Variants in CFAP54 observed in about 807,000 individuals in gnomAD.
CFAP54 encodes cilia- and flagella-associated protein 54.
In CFAP54, 290 loss-of-function variants were observed where a neutral mutation model predicts 370.4. The observed-to-expected ratio is 0.78, with a 90% CI of 0.71 to 0.86. CFAP54 has a LOEUF of 0.86. CFAP54 is among the 40% of genes least tolerant of loss of function. CFAP54 has a pLI of 0.00. For missense variants in CFAP54, 3,399 were observed against 3,528.7 expected, an observed-to-expected ratio of 0.96 and a Z score of 0.93; for synonymous variants, 1,206 against 1,236.5, an observed-to-expected ratio of 0.98 and a Z score of 0.52.
chr12:96,854,475 G>C (rs1959644118), intron 66 of CFAP54, among the ~76,000 whole-genome samples: 1 of 152,108 alleles, frequency 6.6e-6, no homozygotes, highest in Non-Finnish European at 1.5e-5. Context: ...ATGTTAAGGT[G>C]TAAAAGGTAA....
chr12:96,503,741 C>A, intron 2 of CFAP54, 145 bp from the exon 3 acceptor site: 1 of 641,716 alleles, frequency 1.6e-6, no homozygotes, highest in Non-Finnish European at 2.5e-6. Context: ...CTCTCACATA[C>A]TATGTTTTTG....
Position 96,580,798 on chromosome 12 carries a change from A to G in CFAP54, c.2889+109A>G, listed in dbSNP as rs1039644501. 9 of 1,113,176 alleles carry G rather than the reference A, an allele frequency of 8.1e-6. No individual in the cohort carries two copies. In the African/African-American group the frequency reaches 9.7e-5, roughly 12 times the overall value. The allele number at this position is 1,113,176 out of a possible 1,614,324, so 69.0% of individuals were successfully genotyped here. ...TCTCTCTAATTTCCACCTGAATCAT[A>G]ACTAAAATCCAACAATGAAAGAAAA... On this transcript the variant is annotated intron_variant, in intron 21 of 67. Transcript: ENST00000524981.
intron 32 of CFAP54, among the ~76,000 whole-genome samples, chr12:96,633,709 T>C (rs1956632943): frequency 6.6e-6 from 1 of 152,220 alleles, no homozygotes; most frequent in East Asian, 1.9e-4. Flanking sequence ...TCTAATCCAA[T>C]AGCATTTGAC....
chr12:96,738,845 C>G (rs965487560), intron 50 of CFAP54, among the ~76,000 whole-genome samples: 2 of 152,138 alleles, frequency 1.3e-5, no homozygotes, highest in African/African-American at 2.4e-5. Flanking sequence ...CTTCTGACTT[C>G]GTGATCTGCC....
At position 96,575,101 on chromosome 12, in the gene CFAP54, A is replaced by G. The variant is rs1955961564; in HGVS notation, c.2620-1484A>G. Among the ~76,000 whole-genome samples the G allele has an allele frequency of 2.0e-5, 3 of 151,852 alleles. No homozygotes were observed. In the South Asian group the frequency reaches 6.2e-4, roughly 31 times the overall value. On this transcript the variant is annotated intron_variant, in intron 19 of 67. Coordinates refer to ENST00000524981, the MANE Select transcript of CFAP54 (RefSeq NM_001306084.2). ...TTTTGAGTCAGTTTGCTGATTTTGT[A>G]TTTTCATCCCTAATGACTAATGACG...
chr12:96,793,645 T>C lies in CFAP54; in HGVS notation c.8850+1146T>C, dbSNP rs1958727991. Among the ~76,000 whole-genome samples, 3 of 151,676 alleles carry C rather than the reference T, an allele frequency of 2.0e-5. No homozygotes were observed. The Middle Eastern group carries it at 0.01, about 516-fold the overall frequency. ...GGAATTTCCACACTGTTTTCCATAG[T>C]GGTTGTACTAGTTTACATTTCTACC... On this transcript the variant is annotated intron_variant, in intron 63 of 67. Coordinates refer to ENST00000524981, the MANE Select transcript of CFAP54 (RefSeq NM_001306084.2).
At chr12:96,695,625 A>G (rs1957433348) in intron 45 of CFAP54, among the ~76,000 whole-genome samples, 1 of 152,156 alleles carries the variant, frequency 6.6e-6, no homozygotes, top group Non-Finnish European at 1.5e-5. Context: ...TGAGGCTAGG[A>G]TCTGTATCTT....
At chr12:96,543,925 T>A (rs751598009) in intron 14 of CFAP54, among the ~76,000 whole-genome samples, 1 of 152,144 alleles carries the variant, frequency 6.6e-6, no homozygotes, top group Non-Finnish European at 1.5e-5. Flanking sequence ...AGAATTGATA[T>A]AAGCCCCAGT....
At chr12:96,843,358 A>G (rs980761703) in intron 66 of CFAP54, among the ~76,000 whole-genome samples, 7 of 152,218 alleles carry the variant, frequency 4.6e-5, no homozygotes, top group African/African-American at 9.6e-5. Context: ...TAAGGTTGCC[A>G]GTAATACCAT....
intron 60 of CFAP54, among the ~76,000 whole-genome samples, chr12:96,774,808 G>A (rs542566204): frequency 3.3e-5 from 5 of 151,812 alleles, no homozygotes; most frequent in Non-Finnish European, 5.9e-5. Context: ...AATAAGTCTT[G>A]TACTTTTCTG....
chr12:96,851,187 T>C (rs1165412403), intron 66 of CFAP54, among the ~76,000 whole-genome samples: 1 of 152,234 alleles, frequency 6.6e-6, no homozygotes, highest in East Asian at 1.9e-4. Context: ...GTTCACTTAA[T>C]ATTTATGACA....
intron 51 of CFAP54, among the ~76,000 whole-genome samples, chr12:96,740,340 A>G (rs1958037316): frequency 6.6e-6 from 1 of 152,264 alleles, no homozygotes; most frequent in South Asian, 2.1e-4. Context: ...ATGTACCATT[A>G]TATTAATCTA....
intron 1 of CFAP54, among the ~76,000 whole-genome samples, chr12:96,492,123 T>C (rs935069559): frequency 7.9e-5 from 12 of 152,196 alleles, no homozygotes; most frequent in African/African-American, 2.9e-4. Flanking sequence ...ACTACCAGCG[T>C]TCCAGTCCAA....
intron 65 of CFAP54, among the ~76,000 whole-genome samples, chr12:96,822,241 T>C (rs1381930367): frequency 6.6e-6 from 1 of 152,078 alleles, no homozygotes; most frequent in East Asian, 1.9e-4. Flanking sequence ...TTCTAAAGCA[T>C]ATGGAAGATG....
In CFAP54 at chr12:96,829,079, A is replaced by G; in HGVS notation, c.9162A>G (p.Pro3054=). ...TTTTGAATGATAAAGAGCCAACACC[A>G]CTATCTGAGGTATGTATTTCTCCTT... ...SLFLNDKEPT[P]LSEVPFDISL... Residue 3054 remains proline, a synonymous_variant, in exon 66 of 68, where the codon CCA becomes CCG. Coordinates refer to ENST00000524981, the MANE Select transcript of CFAP54 (RefSeq NM_001306084.2). The G allele has an allele frequency of 6.7e-7, 1 of 1,500,350 alleles. No homozygotes were observed. The allele number at this position is 1,500,350 out of a possible 1,614,324, so 92.9% of individuals were successfully genotyped here.
chr12:96,601,018 G>A (rs1194863971), intron 26 of CFAP54, among the ~76,000 whole-genome samples: 2 of 152,186 alleles, frequency 1.3e-5, no homozygotes, highest in Admixed American at 1.3e-4. Context: ...TGGTGAGAGA[G>A]GGCATCCTTG....
chr12:96,827,083 A>ATTATATATAATATGCAATTATATGTGT (rs1490780227), intron 65 of CFAP54, among the ~76,000 whole-genome samples: 23,023 of 107,078 alleles, frequency 0.22, 4,946 homozygotes, highest in Middle Eastern at 0.36. Context: ...ATTATATGTG[A>ATTATATATAATATGCAATTATATGTGT]TTATATATAA....
At chr12:96,861,517 T>C (rs756194868) in intron 67 of CFAP54, among the ~76,000 whole-genome samples, 2 of 152,228 alleles carry the variant, frequency 1.3e-5, no homozygotes, top group Admixed American at 6.5e-5. Flanking sequence ...GGAAAAAATC[T>C]GTAGCAAATG....
chr12:96,739,977 A>C lies in CFAP54; in HGVS notation c.6987A>C (p.Thr2329=), dbSNP rs764035485. 22 of 1,583,062 alleles carry C rather than the reference A, an allele frequency of 1.4e-5. No individual in the cohort carries two copies. Among genetic ancestry groups the C allele is most frequent in the Non-Finnish European group, 1.6e-5 (19 of 1,155,230 alleles). The part of the protein sequence containing the change: ...AAYSAAIVFS[T]LTLLQDSKLF... Reference sequence around the variant, plus strand: ...TTAGTGCTGCAATAGTATTTTCTACACTTACACTTCTCCAGGATTCAAAAC... The same window carrying C: ...TTAGTGCTGCAATAGTATTTTCTACCCTTACACTTCTCCAGGATTCAAAAC... The change falls in exon 51 of 68, where the codon ACA becomes ACC. Residue 2329 remains threonine, a synonymous_variant. Transcript: ENST00000524981.
Sources: gnomAD v4.1 joint callset for allele counts (sites outside exome capture counted in the v4.1 genomes callset) on GRCh38, gnomAD v4.1.1 for gene constraint, MANE v1.5 for transcripts, NCBI Gene and HGNC (gene_info 2026-07-23, HGNC 2026-07-21) for gene names.